Variants in HHAT observed in about 807,000 individuals in gnomAD.
HHAT encodes hedgehog acyltransferase.
HHAT carries 47 observed loss-of-function variants against 70.8 expected under a neutral mutation model. The ratio of observed to expected loss-of-function variants is 0.66; its 90% CI spans 0.53 to 0.85. HHAT has a LOEUF of 0.85. Ranked by LOEUF, HHAT falls within the 40% of genes least tolerant of loss-of-function variation. The probability of loss-of-function intolerance (pLI) is 0.00; values close to 1 mark genes in which losing one functional copy is unlikely to be tolerated. For missense variants in HHAT, 609 were observed against 604.8 expected, an observed-to-expected ratio of 1.01 and a Z score of -0.07; for synonymous variants, 228 against 247.6, an observed-to-expected ratio of 0.92 and a Z score of 0.74.
chr1:210,540,912 C>T (rs1338536357), intron 9 of HHAT, among the ~76,000 whole-genome samples: 2 of 152,046 alleles, frequency 1.3e-5, no homozygotes, highest in African/African-American at 4.8e-5. Context: ...GCAATCTCGG[C>T]TCACTGCAAC....
intron 7 of HHAT, among the ~76,000 whole-genome samples, chr1:210,436,473 T>G (rs1399632941): frequency 6.6e-6 from 1 of 151,730 alleles, no homozygotes; most frequent in African/African-American, 2.4e-5. Context: ...CATATGAGTT[T>G]TGGGATTGTT....
At chr1:210,630,300 G>C (rs867345111) in intron 11 of HHAT, among the ~76,000 whole-genome samples, 1 of 152,152 alleles carries the variant, frequency 6.6e-6, no homozygotes, top group Non-Finnish European at 1.5e-5. Context: ...CTTAGAGGGT[G>C]GGCATCTCTA....
chr1:210,506,091 T>C (rs1287823815), intron 8 of HHAT, among the ~76,000 whole-genome samples: 1 of 152,174 alleles, frequency 6.6e-6, no homozygotes, highest in African/African-American at 2.4e-5. Flanking sequence ...AGCTAGGTGA[T>C]ATACAAACCT....
intron 11 of HHAT, among the ~76,000 whole-genome samples, chr1:210,656,650 C>T (rs1030228298): frequency 6.6e-6 from 1 of 152,186 alleles, no homozygotes; most frequent in Admixed American, 6.5e-5. Context: ...AGGGTTTCCA[C>T]GTGGGTTTGA....
At chr1:210,436,742 A>G (rs532455235) in intron 7 of HHAT, among the ~76,000 whole-genome samples, 2 of 151,766 alleles carry the variant, frequency 1.3e-5, no homozygotes, top group Non-Finnish European at 2.9e-5. Flanking sequence ...AAAATCCCCT[A>G]AGTTTCATTT....
chr1:210,564,868 T>C (rs1199281928), intron 9 of HHAT, among the ~76,000 whole-genome samples: 1 of 151,664 alleles, frequency 6.6e-6, no homozygotes, highest in Non-Finnish European at 1.5e-5. Context: ...AGAAATGGGA[T>C]GGGGGGTCAC....
Position 210,414,622 on chromosome 1 carries a change from A to G in HHAT, c.685-3532A>G, listed in dbSNP as rs190762849. Among the ~76,000 whole-genome samples the G allele has an allele frequency of 5.5e-4, 84 of 152,300 alleles. 2 individuals are homozygous for G. The highest frequency in any genetic ancestry group is 4.6e-3 in the Admixed American group (71 of 15,302). On this transcript the variant is annotated intron_variant, in intron 6 of 11. Coordinates refer to ENST00000261458, the MANE Select transcript of HHAT (RefSeq NM_018194.6). Reference sequence around the variant, plus strand: ...GATGCCAGGCATTTGGAGAAGCAGGATGAAGAAACAGAGGGGTCTTGAGTA... The same window carrying G: ...GATGCCAGGCATTTGGAGAAGCAGGGTGAAGAAACAGAGGGGTCTTGAGTA...
chr1:210,433,080 G>T (rs1247232689), intron 7 of HHAT, among the ~76,000 whole-genome samples: 3 of 151,668 alleles, frequency 2.0e-5, no homozygotes, highest in Non-Finnish European at 4.4e-5. Context: ...GTCTTACATG[G>T]AAGAAGATAT....
intron 11 of HHAT, among the ~76,000 whole-genome samples, chr1:210,650,520 G>A (rs937431272): frequency 2.6e-5 from 4 of 152,114 alleles, no homozygotes; most frequent in East Asian, 1.9e-4. Context: ...GTGCATTCTC[G>A]GGAGCATAGT....
In HHAT at chr1:210,593,874, A is replaced by G. The variant is rs190421969; in HGVS notation, c.1245+5775A>G. Among the ~76,000 whole-genome samples the G allele has an allele frequency of 2.1e-4, 32 of 152,234 alleles. 2 individuals are homozygous for G. The East Asian group carries it at 6.0e-3, about 28-fold the overall frequency. On this transcript the variant is annotated intron_variant, in intron 10 of 11. Transcript: ENST00000261458. The stretch of plus-strand genomic sequence containing the variant: ...GTTGCATATGTTATTTACAACTGTT[A>G]TATCTTCTTGCTGAATTGATCCCTT...
At chr1:210,415,654 T>TA (rs1290342636) in intron 6 of HHAT, among the ~76,000 whole-genome samples, 3 of 150,460 alleles carry the variant, frequency 2.0e-5, no homozygotes, top group Non-Finnish European at 4.5e-5. Context: ...ATTCCTGTTG[T>TA]ACCAATTTTT....
At chr1:210,572,121 G>A (rs1656439549) in intron 9 of HHAT, among the ~76,000 whole-genome samples, 2 of 152,144 alleles carry the variant, frequency 1.3e-5, no homozygotes, top group African/African-American at 4.8e-5. Flanking sequence ...TGTCATTCAT[G>A]CCCAAGCTCA....
At chr1:210,663,194 C>G (rs916954173) in intron 11 of HHAT, among the ~76,000 whole-genome samples, 1 of 152,194 alleles carries the variant, frequency 6.6e-6, no homozygotes, top group Non-Finnish European at 1.5e-5. Context: ...CTGTCTCCCA[C>G]CACAGCGACA....
chr1:210,602,984 A>G (rs895930138), intron 10 of HHAT, among the ~76,000 whole-genome samples: 4 of 152,212 alleles, frequency 2.6e-5, no homozygotes, highest in African/African-American at 9.6e-5. Context: ...AGCATTTTCA[A>G]GGGTTCTTTT....
At chr1:210,582,341 C>T (rs912930314) in intron 9 of HHAT, among the ~76,000 whole-genome samples, 4 of 152,072 alleles carry the variant, frequency 2.6e-5, no homozygotes, top group East Asian at 1.9e-4. Context: ...CCAGCCCGGC[C>T]GAGGAATGGG....
chr1:210,466,131 T>TGAATTGCAAGGAATCGCAAG (rs1275816097), intron 8 of HHAT, among the ~76,000 whole-genome samples: 9 of 150,838 alleles, frequency 6.0e-5, no homozygotes, highest in Non-Finnish European at 1.2e-4. Flanking sequence ...TCGCAAGGAA[T>TGAATTGCAAGGAATCGCAAG]GAATTGCAAG....
At chr1:210,478,541 C>T (rs1289414064) in intron 8 of HHAT, among the ~76,000 whole-genome samples, 1 of 152,090 alleles carries the variant, frequency 6.6e-6, no homozygotes, top group African/African-American at 2.4e-5. Flanking sequence ...TCTTTAGCAG[C>T]CTAAGGGTTC....
At chr1:210,578,759 A>T (rs1658492401) in intron 9 of HHAT, among the ~76,000 whole-genome samples, 1 of 152,212 alleles carries the variant, frequency 6.6e-6, no homozygotes, top group Non-Finnish European at 1.5e-5. Context: ...TTATATACAT[A>T]AGGCTATGAA....
At chr1:210,400,408 T>G in intron 4 of HHAT, 60 bp from the exon 5 acceptor site, 1 of 1,469,384 alleles carries the variant, frequency 6.8e-7, no homozygotes, top group Non-Finnish European at 9.2e-7. Context: ...CACTTCTGTT[T>G]ATTTTCCTCC....
Sources: allele counts gnomAD v4.1 joint callset (sites outside exome capture counted in the v4.1 genomes callset), GRCh38; gene constraint gnomAD v4.1.1; transcripts MANE v1.5; gene names NCBI Gene and HGNC (gene_info 2026-07-23, HGNC 2026-07-21).